The following CFAP47 variants were observed in gnomAD, a reference collection of about 807,000 sequenced individuals.
CFAP47 encodes cilia- and flagella-associated protein 47.
Under a neutral mutation model 148.1 loss-of-function variants are expected in CFAP47, and 29 were observed. That is an observed-to-expected ratio of 0.20 (90% CI 0.15 to 0.27). The LOEUF is 0.27. Ranked by LOEUF, CFAP47 falls within the 10% of genes least tolerant of loss-of-function variation. The pLI is 1.00. For synonymous variants in CFAP47, 664 were observed against 577.3 expected (o/e 1.15, Z -2.15); for missense variants, 1,872 against 1,697.5 (o/e 1.10, Z -1.81).
At chrX:36,142,577 T>C (rs1177583109) in intron 35 of CFAP47, among the ~76,000 whole-genome samples, 1 of 111,716 alleles carries the variant, frequency 9.0e-6, no homozygotes, top group Non-Finnish European at 1.9e-5. Context: ...AGCCTAAGGT[T>C]GACAAAAGTC....
intron 42 of CFAP47, among the ~76,000 whole-genome samples, chrX:36,190,928 A>G (rs1247088728): frequency 8.0e-5 from 9 of 111,902 alleles, no homozygotes; most frequent in Non-Finnish European, 1.7e-4. Context: ...TCCCAAATTT[A>G]TCATCAGTTA....
intron 25 of CFAP47, among the ~76,000 whole-genome samples, chrX:36,044,030 G>A (rs1322034856): frequency 8.8e-6 from 1 of 113,032 alleles, no homozygotes; most frequent in African/African-American, 3.2e-5. Context: ...ACCAAGGCTT[G>A]GGGTTTGCAT....
chrX:36,382,343 C>G (rs947391381), intron 63 of CFAP47, among the ~76,000 whole-genome samples: 3 of 111,647 alleles, frequency 2.7e-5, no homozygotes, highest in Non-Finnish European at 3.8e-5. Flanking sequence ...GAAGAGTGCT[C>G]TCAGGGATTG....
chrX:36,101,912 T>C (rs1490067278), intron 32 of CFAP47, among the ~76,000 whole-genome samples: 1 of 111,521 alleles, frequency 9.0e-6, no homozygotes, highest in African/African-American at 3.3e-5. Flanking sequence ...AAGCCAAATA[T>C]AATAGCAAAG....
At chrX:35,923,045 T>G (rs923634696) in intron 1 of CFAP47, among the ~76,000 whole-genome samples, 2 of 111,636 alleles carry the variant, frequency 1.8e-5, no homozygotes, top group Non-Finnish European at 3.8e-5. Flanking sequence ...TTGACACTTA[T>G]GTCTCTATCA....
At chrX:36,023,035 G>A (rs1380048006) in intron 22 of CFAP47, among the ~76,000 whole-genome samples, 2 of 112,010 alleles carry the variant, frequency 1.8e-5, no homozygotes, top group African/African-American at 3.2e-5. Flanking sequence ...ATGTTTGTCT[G>A]TGTCTGGGCA....
intron 26 of CFAP47, among the ~76,000 whole-genome samples, chrX:36,060,867 C>A (rs1937588468): frequency 8.9e-6 from 1 of 111,800 alleles, no homozygotes; most frequent in Non-Finnish European, 1.9e-5. Context: ...CCTTCCTCCT[C>A]CTCATTCAAG....
intron 13 of CFAP47, 136 bp downstream of exon 13, chrX:35,972,101 CAT>C: frequency 2.3e-6 from 1 of 441,941 alleles, no homozygotes; most frequent in Non-Finnish European, 3.9e-6. Flanking sequence ...TCAGAGTAGT[CAT>C]AGTTATTAAG....
chrX:36,250,211 C>T (rs1940674326), intron 48 of CFAP47, among the ~76,000 whole-genome samples: 5 of 111,420 alleles, frequency 4.5e-5, no homozygotes, highest in Admixed American at 9.5e-5. Context: ...GATATGTACG[C>T]AATGAAATAC....
At chrX:36,335,043 A>G (rs1941593315) in intron 57 of CFAP47, among the ~76,000 whole-genome samples, 1 of 111,065 alleles carries the variant, frequency 9.0e-6, no homozygotes, top group East Asian at 2.8e-4. Flanking sequence ...TTTCCAACCC[A>G]CAAACATTTT....
intron 4 of CFAP47, among the ~76,000 whole-genome samples, chrX:35,950,760 G>A (rs1936151377): frequency 9.0e-6 from 1 of 111,508 alleles, no homozygotes; most frequent in South Asian, 3.7e-4. Context: ...TGGGAGATGA[G>A]AAGAATTAGA....
At chrX:36,122,872 G>A (rs894315975) in intron 33 of CFAP47, among the ~76,000 whole-genome samples, 2 of 110,826 alleles carry the variant, frequency 1.8e-5, no homozygotes, top group Admixed American at 9.6e-5. Flanking sequence ...TATGTTCTTC[G>A]GTGACTGGGA....
chrX:36,345,009 C>T (rs782146848), intron 57 of CFAP47, among the ~76,000 whole-genome samples: 1 of 111,470 alleles, frequency 9.0e-6, no homozygotes, highest in Non-Finnish European at 1.9e-5. Flanking sequence ...TGTTATTGTA[C>T]TAAGAATAAT....
At chrX:35,995,572 G>A (rs958433012) in intron 18 of CFAP47, among the ~76,000 whole-genome samples, 2 of 111,341 alleles carry the variant, frequency 1.8e-5, no homozygotes, top group Admixed American at 9.6e-5. Flanking sequence ...TATGTCAAGA[G>A]TGAGGCAGAT....
At chrX:36,318,782 T>C (rs1466912572) in intron 56 of CFAP47, among the ~76,000 whole-genome samples, 5 of 110,544 alleles carry the variant, frequency 4.5e-5, no homozygotes, top group Non-Finnish European at 9.4e-5. Flanking sequence ...TCTTAATATC[T>C]ACTTGTTGAG....
chrX:36,177,340 G>A (rs755127597), intron 39 of CFAP47, among the ~76,000 whole-genome samples: 1 of 111,843 alleles, frequency 8.9e-6, no homozygotes, highest in African/African-American at 3.2e-5. Context: ...TATGATCCTT[G>A]TGACTACTTT....
At chrX:36,335,613 G>A (rs959123129) in intron 57 of CFAP47, among the ~76,000 whole-genome samples, 1 of 111,358 alleles carries the variant, frequency 9.0e-6, no homozygotes, top group East Asian at 2.8e-4. Flanking sequence ...CACTCTGTTG[G>A]TTCCCATGAC....
At chrX:36,064,432 C>CA (rs957465845) in intron 26 of CFAP47, among the ~76,000 whole-genome samples, 1 of 111,714 alleles carries the variant, frequency 9.0e-6, no homozygotes, top group Non-Finnish European at 1.9e-5. Context: ...ATGTTTATAT[C>CA]AATGTATAAA....
chrX:36,290,118 T>C (rs1207949526), intron 51 of CFAP47, among the ~76,000 whole-genome samples: 1 of 110,261 alleles, frequency 9.1e-6, no homozygotes. Context: ...TTCATCAAAG[T>C]CATCTATGCT....
Sources: allele counts gnomAD v4.1 joint callset (sites outside exome capture counted in the v4.1 genomes callset), GRCh38; gene constraint gnomAD v4.1.1; transcripts MANE v1.5; gene names NCBI Gene and HGNC (gene_info 2026-07-23, HGNC 2026-07-21).